Variants in UBE2W observed in about 807,000 individuals in gnomAD.
The protein encoded by UBE2W is ubiquitin conjugating enzyme E2 W.
UBE2W carries 18 observed loss-of-function variants against 27.2 expected under a neutral mutation model. That is an observed-to-expected ratio of 0.66 (90% confidence interval 0.46 to 0.98). UBE2W has a LOEUF of 0.98. Among genes scored for constraint, UBE2W ranks in the 50% least tolerant of loss-of-function variants. The pLI, the probability that UBE2W is intolerant of heterozygous loss-of-function variation, is 0.00. For missense variants in UBE2W, 90 were observed against 180.2 expected, an observed-to-expected ratio of 0.50 and a Z score of 2.87; for synonymous variants, 53 against 57.2, an observed-to-expected ratio of 0.93 and a Z score of 0.33.
chr8:73,811,743 A>T (rs555046405), intron 3 of UBE2W, among the ~76,000 whole-genome samples: 9 of 152,286 alleles, frequency 5.9e-5, no homozygotes, highest in African/African-American at 1.9e-4. Context: ...AAACTGCCTC[A>T]TACCCAAGTA....
At chr8:73,846,577 A>G (rs1284666224) in intron 1 of UBE2W, among the ~76,000 whole-genome samples, 1 of 152,240 alleles carries the variant, frequency 6.6e-6, no homozygotes. Flanking sequence ...TAATGCCCCA[A>G]GGTCACAGGC....
At chr8:73,852,610 ACAATT>A (rs1811126074) in intron 1 of UBE2W, among the ~76,000 whole-genome samples, 1 of 152,192 alleles carries the variant, frequency 6.6e-6, no homozygotes, top group African/African-American at 2.4e-5. Context: ...TTGTAAAAAT[ACAATT>A]CAAATTTTTT....
chr8:73,805,852 A>G (rs930046266), intron 4 of UBE2W, 126 bp from the exon 5 acceptor site: 7 of 491,688 alleles, frequency 1.4e-5, no homozygotes, highest in African/African-American at 7.7e-5. Context: ...TAGTATATCT[A>G]AAAGAATAAA....
intron 3 of UBE2W, among the ~76,000 whole-genome samples, chr8:73,816,463 T>C (rs971612402): frequency 2.0e-5 from 3 of 152,024 alleles, no homozygotes; most frequent in African/African-American, 7.2e-5. Context: ...CGAACATAGG[T>C]TCTGGATCTC....
intron 3 of UBE2W, among the ~76,000 whole-genome samples, chr8:73,812,637 C>T (rs775377808): frequency 1.2e-4 from 19 of 152,092 alleles, no homozygotes; most frequent in Non-Finnish European, 2.8e-4. Flanking sequence ...CCATAAAAAG[C>T]CATTTGACCA....
At chr8:73,814,460 A>G (rs1809302855) in intron 3 of UBE2W, among the ~76,000 whole-genome samples, 1 of 152,266 alleles carries the variant, frequency 6.6e-6, no homozygotes, top group South Asian at 2.1e-4. Flanking sequence ...TGATGGAAAT[A>G]CAGTTTTAGA....
Position 73,794,094 on chromosome 8 carries a change from C to T in UBE2W, c.*8G>A. The T allele has an allele frequency of 1.2e-6, 2 of 1,613,484 alleles. No homozygotes were observed. Among genetic ancestry groups the T allele is most frequent in the Non-Finnish European group, 1.7e-6 (2 of 1,179,702 alleles). Reference sequence around the variant, plus strand: ...CTATCTTCTGCTAGGAGGATGATAACAGTGGCATCAACAAGTATCATCTTT... The same window carrying T: ...CTATCTTCTGCTAGGAGGATGATAATAGTGGCATCAACAAGTATCATCTTT... On this transcript the variant is annotated 3_prime_UTR_variant, in exon 6 of 6. Coordinates refer to ENST00000602593, the MANE Select transcript of UBE2W (RefSeq NM_018299.6).
At chr8:73,861,672 T>C (rs956166624) in intron 1 of UBE2W, among the ~76,000 whole-genome samples, 3 of 152,182 alleles carry the variant, frequency 2.0e-5, no homozygotes, top group Non-Finnish European at 4.4e-5. Flanking sequence ...TATAATAAAA[T>C]ATTTTTAAAT....
intron 1 of UBE2W, among the ~76,000 whole-genome samples, chr8:73,842,299 C>A (rs901097234): frequency 6.6e-6 from 1 of 151,652 alleles, no homozygotes; most frequent in African/African-American, 2.4e-5. Context: ...GAGGCCGAGG[C>A]GGGTGGATTA....
chr8:73,816,168 G>A (rs1809376262), intron 3 of UBE2W, among the ~76,000 whole-genome samples: 1 of 152,012 alleles, frequency 6.6e-6, no homozygotes, highest in Non-Finnish European at 1.5e-5. Flanking sequence ...CAAAATTATT[G>A]GACACAACGA....
At chr8:73,846,599 GA>G (rs1468374325) in intron 1 of UBE2W, among the ~76,000 whole-genome samples, 1 of 152,124 alleles carries the variant, frequency 6.6e-6, no homozygotes, top group African/African-American at 2.4e-5. Flanking sequence ...TTGCCACCAG[GA>G]AAGTTTGTGA....
intron 1 of UBE2W, chr8:73,833,711 A>G (rs1810188247): frequency 6.6e-6 from 1 of 151,430 alleles, no homozygotes. Flanking sequence ...TTAAAACCAA[A>G]TAACTAATGT....
intron 1 of UBE2W, among the ~76,000 whole-genome samples, chr8:73,871,021 T>C (rs900668834): frequency 6.6e-6 from 1 of 151,916 alleles, no homozygotes; most frequent in African/African-American, 2.4e-5. Flanking sequence ...GAGAGGGAAG[T>C]CATAGTAGGA....
intron 1 of UBE2W, among the ~76,000 whole-genome samples, chr8:73,845,970 A>C (rs2130938143): frequency 6.6e-6 from 1 of 152,332 alleles, no homozygotes; most frequent in Admixed American, 6.5e-5. Flanking sequence ...AAAAGATTAA[A>C]CCCTGAATTC....
intron 4 of UBE2W, among the ~76,000 whole-genome samples, chr8:73,809,123 C>G (rs551882882): frequency 1.3e-5 from 2 of 151,798 alleles, no homozygotes; most frequent in Non-Finnish European, 2.9e-5. Context: ...AAGTTTAAAA[C>G]GTGTGTGTGT....
chr8:73,832,136 A>ATATATATATATATATATATATATAT (rs1563601304), intron 1 of UBE2W, among the ~76,000 whole-genome samples: 1 of 145,348 alleles, frequency 6.9e-6, no homozygotes, highest in African/African-American at 2.6e-5. Flanking sequence ...AAAATAAATA[A>ATATATATATATATATATATATATAT]ATATATATAT....
intron 5 of UBE2W, among the ~76,000 whole-genome samples, chr8:73,804,785 G>C (rs1462918680): frequency 6.6e-6 from 1 of 151,680 alleles, no homozygotes; most frequent in Non-Finnish European, 1.5e-5. Context: ...GGCTGGAGTA[G>C]AGTAGCGTGA....
chr8:73,846,958 G>A (rs1810832521), intron 1 of UBE2W, among the ~76,000 whole-genome samples: 1 of 152,046 alleles, frequency 6.6e-6, no homozygotes, highest in African/African-American at 2.4e-5. Flanking sequence ...GGATCACGAA[G>A]TCTCAGGAGA....
At chr8:73,835,022 A>G (rs1810248858) in intron 1 of UBE2W, among the ~76,000 whole-genome samples, 1 of 152,164 alleles carries the variant, frequency 6.6e-6, no homozygotes. Flanking sequence ...TATTTTGGGA[A>G]ACACTGCTGC....
Sources: allele counts gnomAD v4.1 joint callset (sites outside exome capture counted in the v4.1 genomes callset), GRCh38; gene constraint gnomAD v4.1.1; transcripts MANE v1.5; gene names NCBI Gene and HGNC (gene_info 2026-07-23, HGNC 2026-07-21).